Variants in CCDC7 observed in about 807,000 individuals in gnomAD.
The protein encoded by CCDC7 is coiled-coil domain containing 7, also known as coiled-coil domain-containing protein 7.
In CCDC7, 183 loss-of-function variants were observed where a neutral mutation model predicts 196.9. That is an observed-to-expected ratio of 0.93 (90% CI 0.82 to 1.05). The LOEUF is 1.05. Among genes scored for constraint, CCDC7 ranks in the 50% least tolerant of loss-of-function variants. The pLI is 0.00. For synonymous variants in CCDC7, 525 were observed against 484.6 expected, an observed-to-expected ratio of 1.08 and a Z score of -1.10; for missense variants, 1,540 against 1,482.2, an observed-to-expected ratio of 1.04 and a Z score of -0.64.
In CCDC7 at chr10:32,815,964, G is replaced by A. The variant is rs181531825; in HGVS notation, c.3181+1511G>A. 1.2e-4 allele frequency among the ~76,000 whole-genome samples: 18 copies of A among 152,268 alleles called. No homozygotes were observed. The South Asian group carries it at 1.5e-3, about 12-fold the overall frequency. On this transcript the variant is annotated intron_variant, in intron 31 of 41. Coordinates refer to ENST00000639629, the Ensembl canonical transcript of CCDC7. ...TTTCTGCATTTCCAACTGAGGTACC[G>A]GGTTCATCTCACTTGGGAGTGTTGG... is the stretch of plus-strand genomic sequence containing the variant.
intron 29 of CCDC7, among the ~76,000 whole-genome samples, chr10:32,799,814 T>C (rs2084402890): frequency 6.6e-6 from 1 of 152,210 alleles, no homozygotes; most frequent in Non-Finnish European, 1.5e-5. Flanking sequence ...AATGGACCAG[T>C]GTGATATCTT....
At chr10:32,852,035 C>T (rs2093584274) in intron 40 of CCDC7, 103 bp downstream of exon 41, 2 of 1,210,988 alleles carry the variant, frequency 1.7e-6, no homozygotes, top group East Asian at 5.2e-5. Flanking sequence ...AACAGTTTGG[C>T]AAAATATAAA....
At chr10:32,604,742 G>A (rs1485494634) in intron 18 of CCDC7, among the ~76,000 whole-genome samples, 2 of 151,740 alleles carry the variant, frequency 1.3e-5, no homozygotes, top group Non-Finnish European at 2.9e-5. Flanking sequence ...ATGTTGTATA[G>A]AAATGCAACT....
At chr10:32,725,747 T>C (rs2083028170) in intron 25 of CCDC7, among the ~76,000 whole-genome samples, 1 of 152,022 alleles carries the variant, frequency 6.6e-6, no homozygotes, top group Non-Finnish European at 1.5e-5. Flanking sequence ...CCCAATGTCT[T>C]TGTCAACAAC....
intron 28 of CCDC7, among the ~76,000 whole-genome samples, chr10:32,748,470 A>G (rs918990112): frequency 1.3e-5 from 2 of 152,208 alleles, no homozygotes; most frequent in Admixed American, 6.5e-5. Context: ...ATTTAGTTGT[A>G]ATGCTTGCTC....
intron 28 of CCDC7, among the ~76,000 whole-genome samples, chr10:32,733,209 T>C (rs1260527147): frequency 1.3e-5 from 2 of 152,102 alleles, no homozygotes; most frequent in South Asian, 2.1e-4. Context: ...AGTTCTCCTA[T>C]ATTTTTACAC....
chr10:32,755,786 C>T (rs913449008), intron 28 of CCDC7, among the ~76,000 whole-genome samples: 2 of 151,956 alleles, frequency 1.3e-5, no homozygotes, highest in East Asian at 1.9e-4. Context: ...AGGCTTCAGA[C>T]GATCAGTAAT....
intron 40 of CCDC7, among the ~76,000 whole-genome samples, chr10:32,853,760 A>G (rs911866077): frequency 3.9e-5 from 6 of 152,212 alleles, no homozygotes; most frequent in Non-Finnish European, 7.3e-5. Flanking sequence ...AATGTTTTAT[A>G]TAGAGATGAA....
chr10:32,770,077 A>G (rs1346762775), intron 28 of CCDC7, among the ~76,000 whole-genome samples: 1 of 152,136 alleles, frequency 6.6e-6, no homozygotes, highest in Non-Finnish European at 1.5e-5. Context: ...CAATGGTTGA[A>G]CTAATTTACA....
chr10:32,661,071 A>C (rs2071292406), intron 20 of CCDC7, among the ~76,000 whole-genome samples: 1 of 147,988 alleles, frequency 6.8e-6, no homozygotes, highest in Admixed American at 6.7e-5. Flanking sequence ...TTCACAACCT[A>C]CTCATCTGAC....
At chr10:32,679,705 G>A (rs1291572668) in intron 21 of CCDC7, among the ~76,000 whole-genome samples, 1 of 152,198 alleles carries the variant, frequency 6.6e-6, no homozygotes, top group East Asian at 1.9e-4. Context: ...CATCAACAGA[G>A]CATCCAGTCC....
Position 32,542,620 on chromosome 10 carries a change from G to A in CCDC7, c.994-680G>A, listed in dbSNP as rs547477616. Among the ~76,000 whole-genome samples the A allele has an allele frequency of 1.3e-4, 15 of 114,584 alleles. No homozygotes were observed. The South Asian group carries it at 4.2e-3, about 32-fold the overall frequency. 75.2% of individuals were successfully genotyped at this position (114,584 alleles called of 152,430 possible). On this transcript the variant is annotated intron_variant, in intron 11 of 41. Coordinates refer to ENST00000639629, the Ensembl canonical transcript of CCDC7. The stretch of plus-strand genomic sequence containing the variant: ...TGCATTCCAGCCTGGACAACAGAGT[G>A]AGACTCCCATCTCAAAAAAAAAAAA...
chr10:32,726,820 GA>G lies in CCDC7; in HGVS notation c.2659del (p.Arg887GlyfsTer7). The G allele has an allele frequency of 6.3e-7, 1 of 1,577,232 alleles. No homozygotes were observed. The highest frequency in any genetic ancestry group is 8.7e-7 in the Non-Finnish European group (1 of 1,150,154). ...AAAGAAAAAAATAACTCCTGGAAGG[GA>G]AAGGCGTAATAGTAAGTGTAGTAAT... On this transcript the variant is annotated frameshift_variant, in exon 26 of 42. Transcript: ENST00000639629. LOFTEE classifies it high-confidence loss of function.
intron 31 of CCDC7, among the ~76,000 whole-genome samples, chr10:32,823,277 G>T (rs1317238777): frequency 6.6e-6 from 1 of 151,852 alleles, no homozygotes; most frequent in African/African-American, 2.4e-5. Context: ...TAAGTAGCTG[G>T]GACTAAGGCG....
At chr10:32,459,313 TAGTGTGAACCTCTAGAGAGCTCAAA>T (rs1297437925) in intron 3 of CCDC7, among the ~76,000 whole-genome samples, 9 of 152,102 alleles carry the variant, frequency 5.9e-5, no homozygotes, top group Non-Finnish European at 8.8e-5. Context: ...TAACTCAGTT[TAGTGTGAACCTCTAGAGAGCTCAAA>T]AGTGGGAACC....
chr10:32,561,011 G>A (rs954515152), intron 13 of CCDC7, among the ~76,000 whole-genome samples: 10 of 149,214 alleles, frequency 6.7e-5, no homozygotes, highest in African/African-American at 2.5e-4. Flanking sequence ...AAAAGGCAGG[G>A]ATTGCAATCC....
intron 8 of CCDC7, among the ~76,000 whole-genome samples, chr10:32,484,611 C>G (rs2040636527): frequency 6.6e-6 from 1 of 152,134 alleles, no homozygotes; most frequent in Non-Finnish European, 1.5e-5. Flanking sequence ...TTTGCCCATT[C>G]AGTATGATAT....
chr10:32,531,967 T>C (rs541983942), intron 11 of CCDC7, among the ~76,000 whole-genome samples: 3 of 152,272 alleles, frequency 2.0e-5, no homozygotes, highest in Non-Finnish European at 2.9e-5. Flanking sequence ...TTATCAATGT[T>C]GTTTATCTTT....
chr10:32,500,267 G>A (rs891491863), intron 9 of CCDC7, among the ~76,000 whole-genome samples: 3 of 151,468 alleles, frequency 2.0e-5, no homozygotes, highest in African/African-American at 7.3e-5. Flanking sequence ...GCTGCCCGGT[G>A]GAGACGCTCC....
Sources: allele counts gnomAD v4.1 joint callset (sites outside exome capture counted in the v4.1 genomes callset), GRCh38; gene constraint gnomAD v4.1.1; transcripts MANE v1.5; gene names NCBI Gene and HGNC (gene_info 2026-07-23, HGNC 2026-07-21).